DNAAF9: variants seen among roughly 807,000 people sequenced by gnomAD.
The protein encoded by DNAAF9 is shulin.
Under a neutral mutation model 167.0 loss-of-function variants are expected in DNAAF9, and 90 were observed. That is an observed-to-expected ratio of 0.54 (90% CI 0.45 to 0.64). The LOEUF is 0.64. DNAAF9 is among the 30% of genes least tolerant of loss of function. The pLI is 0.00. For missense variants in DNAAF9, 1,315 were observed against 1,442.2 expected (o/e 0.91, Z 1.43); for synonymous variants, 491 against 508.8 (o/e 0.96, Z 0.47).
At chr20:3,406,451 C>CTCA (rs1260488628) in intron 1 of DNAAF9, among the ~76,000 whole-genome samples, 1 of 152,132 alleles carries the variant, frequency 6.6e-6, no homozygotes, top group Non-Finnish European at 1.5e-5. Flanking sequence ...AGTACCAAAG[C>CTCA]TCATCGCTCG....
chr20:3,357,617 C>G (rs7266848), intron 7 of DNAAF9, among the ~76,000 whole-genome samples: 3,658 of 131,188 alleles, frequency 0.028, 126 homozygotes, highest in African/African-American at 0.087. Flanking sequence ...TCCCTCCTTC[C>G]TCACCCATCC....
intron 27 of DNAAF9, 143 bp from the exon 28 acceptor site, chr20:3,281,909 C>A: frequency 1.4e-6 from 1 of 693,308 alleles, no homozygotes; most frequent in East Asian, 3.0e-5. Flanking sequence ...TGGTGTCACT[C>A]CACTTCATGA....
At chr20:3,321,069 C>T (rs943906326) in intron 16 of DNAAF9, among the ~76,000 whole-genome samples, 1 of 152,206 alleles carries the variant, frequency 6.6e-6, no homozygotes, top group Non-Finnish European at 1.5e-5. Flanking sequence ...CATGCCATCC[C>T]ACCCCAGGGA....
chr20:3,307,968 A>AG (rs1491169263), intron 20 of DNAAF9, among the ~76,000 whole-genome samples: 3 of 9,052 alleles, frequency 3.3e-4, no homozygotes, highest in Admixed American at 2.1e-3. Context: ...CACAAGGTTT[A>AG]AAAAAAAAAA....
intron 8 of DNAAF9, among the ~76,000 whole-genome samples, chr20:3,347,173 C>T (rs1409936870): frequency 6.6e-6 from 1 of 151,942 alleles, no homozygotes; most frequent in Admixed American, 6.6e-5. Context: ...AAAGACTATG[C>T]TATGTACAAA....
intron 6 of DNAAF9, among the ~76,000 whole-genome samples, chr20:3,365,850 T>C (rs953869628): frequency 3.3e-5 from 5 of 152,232 alleles, no homozygotes; most frequent in African/African-American, 9.6e-5. Flanking sequence ...AGATTCCATC[T>C]CAAGAAACCA....
rs755729441 is a variant in DNAAF9 at position 3,304,564 on chromosome 20, G to C, written c.1679-21C>G. On this transcript the variant is annotated intron_variant, in intron 20 of 36. Coordinates refer to ENST00000252032, the MANE Select transcript of DNAAF9 (RefSeq NM_001009984.3). ...ATTCCCTGGAAGGAAAAGAGAGTTG[G>C]TCAGAGCTGGAGGGCTGGGTGCTGG... is the stretch of plus-strand genomic sequence containing the variant. The C allele has an allele frequency of 4.3e-6, 5 of 1,156,744 alleles. No individual in the cohort carries two copies. In the East Asian group the frequency reaches 1.2e-4, roughly 27 times the overall value. 71.7% of individuals were successfully genotyped at this position (1,156,744 alleles called of 1,614,324 possible).
intron 28 of DNAAF9, among the ~76,000 whole-genome samples, chr20:3,279,320 T>A (rs1331379372): frequency 6.6e-6 from 1 of 152,212 alleles, no homozygotes; most frequent in Non-Finnish European, 1.5e-5. Context: ...CATCTAACTC[T>A]ACCAGGGGCC....
chr20:3,321,500 C>T (rs1002977070), intron 16 of DNAAF9, among the ~76,000 whole-genome samples: 1 of 152,214 alleles, frequency 6.6e-6, no homozygotes, highest in South Asian at 2.1e-4. Context: ...GTTGTATCTG[C>T]AGTCCACTGT....
rs559279678 is a variant in DNAAF9, at chr20:3,376,925, C to T, written c.284-623G>A. Among the ~76,000 whole-genome samples the T allele has an allele frequency of 2.4e-4, 36 of 152,128 alleles. 1 individual carries two copies. The South Asian group carries it at 6.4e-3, about 27-fold the overall frequency. ...TAAAAACAAAAACACAAAAATTAGC[C>T]GGGTGTGGTGGCGCGCACCTGTAAT... On this transcript the variant is annotated intron_variant, in intron 3 of 36. Coordinates refer to ENST00000252032, the MANE Select transcript of DNAAF9 (RefSeq NM_001009984.3).
rs149032517 is a variant in DNAAF9 at position 3,307,142 on chromosome 20, T to C, written c.1679-2599A>G. ...TACTCAATAGGAAGATGGGAAAGGATGAGCGAGGTCATCTCCAGCATTTCC... is the reference window on the plus strand; with the variant it reads ...TACTCAATAGGAAGATGGGAAAGGACGAGCGAGGTCATCTCCAGCATTTCC... On this transcript the variant is annotated intron_variant, in intron 20 of 36. Transcript: ENST00000252032. 5.6e-4 allele frequency: 549 copies of C among 985,070 alleles called. 5 individuals carry two copies. The East Asian group carries it at 0.017, about 30-fold the overall frequency. The allele number at this position is 985,070 out of a possible 1,614,324, so 61.0% of individuals were successfully genotyped here. A position where few individuals can be genotyped will look rare whatever the true frequency, so the allele number is the denominator to read the frequency against.
chr20:3,273,025 T>G (rs1430320829), intron 29 of DNAAF9, among the ~76,000 whole-genome samples: 1 of 152,104 alleles, frequency 6.6e-6, no homozygotes, highest in Non-Finnish European at 1.5e-5. Flanking sequence ...GAGATGGAGT[T>G]TCTCCATGTT....
At chr20:3,362,062 T>G in intron 6 of DNAAF9, 1 of 1,435,068 alleles carries the variant, frequency 7.0e-7, no homozygotes, top group Non-Finnish European at 9.7e-7. Context: ...TTCATATTAA[T>G]TTTTTGTTAC....
intron 16 of DNAAF9, among the ~76,000 whole-genome samples, chr20:3,320,899 C>T (rs1161323007): frequency 6.6e-6 from 1 of 152,176 alleles, no homozygotes; most frequent in East Asian, 1.9e-4. Flanking sequence ...AGAACAGACT[C>T]AAGATATAAC....
chr20:3,274,832 A>T (rs964471343), intron 29 of DNAAF9, among the ~76,000 whole-genome samples: 8 of 152,178 alleles, frequency 5.3e-5, no homozygotes, highest in Non-Finnish European at 1.0e-4. Flanking sequence ...CATATCAACC[A>T]CTGGGAAACT....
chr20:3,314,934 T>C, intron 20 of DNAAF9, 99 bp downstream of exon 20: 1 of 725,600 alleles, frequency 1.4e-6, no homozygotes, highest in Non-Finnish European at 2.5e-6. Flanking sequence ...CACAATTGTG[T>C]TCAAATAGAA....
chr20:3,328,370 C>T (rs190498642), intron 12 of DNAAF9, among the ~76,000 whole-genome samples: 113 of 152,074 alleles, frequency 7.4e-4, no homozygotes, highest in African/African-American at 2.5e-3. Flanking sequence ...TTAGTAGAGG[C>T]GGGGTTTCAC....
chr20:3,310,375 A>AAGAAAGAAAGAG (rs1188204303), intron 20 of DNAAF9, among the ~76,000 whole-genome samples: 35 of 151,264 alleles, frequency 2.3e-4, no homozygotes, highest in African/African-American at 7.3e-4. Context: ...GAAAGAAAGA[A>AAGAAAGAAAGAG]AGAAAGAAAG....
Position 3,252,289 on chromosome 20 carries a change from CAG to C in DNAAF9, c.*281_*282del. The C allele has an allele frequency of 3.4e-6, 1 of 297,086 alleles. No homozygotes were observed. Among genetic ancestry groups the C allele is most frequent in the South Asian group, 4.7e-5 (1 of 21,250 alleles). The allele number at this position is 297,086 out of a possible 1,614,324, so 18.4% of individuals were successfully genotyped here. A position where few individuals can be genotyped will look rare whatever the true frequency, so the allele number is the denominator to read the frequency against. ...AAGAGCCCAAAGGAGATCCTGTTAT[CAG>C]AAACCCAGAGCTCCTGGACTGCCAG... On this transcript the variant is annotated 3_prime_UTR_variant, in exon 37 of 37. Transcript: ENST00000252032.
Sources: allele counts gnomAD v4.1 joint callset (sites outside exome capture counted in the v4.1 genomes callset), GRCh38; gene constraint gnomAD v4.1.1; transcripts MANE v1.5; gene names NCBI Gene and HGNC (gene_info 2026-07-23, HGNC 2026-07-21).